The following RNF216 variants were observed in gnomAD, a reference collection of about 807,000 sequenced individuals.
RNF216 encodes the protein E3 ubiquitin-protein ligase RNF216.
RNF216 carries 72 observed loss-of-function variants against 110.8 expected under a neutral mutation model. The ratio of observed to expected loss-of-function variants is 0.65; its 90% CI spans 0.54 to 0.79. The LOEUF (loss-of-function observed/expected upper bound fraction) is 0.79. RNF216 is among the 30% of genes least tolerant of loss of function. The probability of loss-of-function intolerance (pLI) is 0.00; values close to 1 mark genes in which losing one functional copy is unlikely to be tolerated. For missense variants in RNF216, 1,342 were observed against 1,141.2 expected, an observed-to-expected ratio of 1.18 and a Z score of -2.54; for synonymous variants, 495 against 407.5, an observed-to-expected ratio of 1.21 and a Z score of -2.59.
At chr7:5,664,147 A>G (rs1388691834) in intron 13 of RNF216, among the ~76,000 whole-genome samples, 2 of 152,154 alleles carry the variant, frequency 1.3e-5, no homozygotes, top group Non-Finnish European at 2.9e-5. Flanking sequence ...CTCCATGCAG[A>G]GAGTTGTTTT....
intron 13 of RNF216, among the ~76,000 whole-genome samples, chr7:5,690,005 C>T (rs1791233784): frequency 6.6e-6 from 1 of 151,636 alleles, no homozygotes; most frequent in Non-Finnish European, 1.5e-5. Context: ...GCCGAGTTCA[C>T]CTGTATTATA....
In RNF216 at chr7:5,735,337, T is replaced by C. The variant is rs535650807; in HGVS notation, c.1121+3939A>G. ...AAATTTAGAAAATACACAAGAAAAC[T>C]AGGCACCATGGGAGCCAGCAGGAAG... On this transcript the variant is annotated intron_variant, in intron 5 of 16. Coordinates refer to ENST00000389902, the MANE Select transcript of RNF216 (RefSeq NM_207111.4). Among the ~76,000 whole-genome samples, 3 of 151,966 alleles carry C rather than the reference T, an allele frequency of 2.0e-5. No homozygotes were observed. In the East Asian group the frequency reaches 5.8e-4, roughly 29 times the overall value.
rs1793960839 is a variant in RNF216, at chr7:5,729,515, T to A, written c.1306A>T (p.Met436Leu). The change falls in exon 7 of 17, where the codon ATG (methionine) becomes TTG (leucine). Residue 436 changes from methionine to leucine, a missense_variant. By Grantham distance (15) the Met-to-Leu change is conservative (BLOSUM62 2). Transcript: ENST00000389902. Reference sequence around the variant, plus strand: ...CTACTGAGCACTTTGAAGTCGGCCATGAGGAGGTCAGCAGCTTGGATGAAG... The same window carrying A: ...CTACTGAGCACTTTGAAGTCGGCCAAGAGGAGGTCAGCAGCTTGGATGAAG... Reference protein sequence around the residue: ...RCFIQAADLLMADFKVLSSQD... With the variant: ...RCFIQAADLLLADFKVLSSQD... The A allele has an allele frequency of 6.2e-7, 1 of 1,613,972 alleles. No individual in the cohort carries two copies. Among genetic ancestry groups the A allele is most frequent in the Non-Finnish European group, 8.5e-7 (1 of 1,180,012 alleles).
rs766634468 is a variant in RNF216 at position 5,761,444 on chromosome 7, CAG to C, written c.-69-308_-69-307del. Reference sequence around the variant, plus strand: ...AATTCAATTCACAAAAAAGAAAACACAGAAGATGCTCAACCTCACTAATAATC... The same window carrying C: ...AATTCAATTCACAAAAAAGAAAACACAAGATGCTCAACCTCACTAATAATC... On this transcript the variant is annotated intron_variant, in intron 1 of 16. Transcript: ENST00000389902. Among the ~76,000 whole-genome samples the C allele has an allele frequency of 1.7e-4, 26 of 152,154 alleles. 1 individual carries two copies. Among genetic ancestry groups the C allele is most frequent in the Non-Finnish European group, 2.9e-4 (20 of 68,028 alleles).
intron 13 of RNF216, among the ~76,000 whole-genome samples, chr7:5,656,603 T>G (rs1032906837): frequency 6.6e-6 from 1 of 152,158 alleles, no homozygotes; most frequent in African/African-American, 2.4e-5. Flanking sequence ...TGTTAACAAG[T>G]AGCCCGCCAG....
At chr7:5,629,016 G>A (rs924827290) in intron 15 of RNF216, among the ~76,000 whole-genome samples, 3 of 151,914 alleles carry the variant, frequency 2.0e-5, no homozygotes, top group Non-Finnish European at 4.4e-5. Context: ...TGGCTAACAC[G>A]GTGAAACCCC....
At chr7:5,679,810 T>C (rs1562383683) in intron 13 of RNF216, among the ~76,000 whole-genome samples, 1 of 152,160 alleles carries the variant, frequency 6.6e-6, no homozygotes, top group Non-Finnish European at 1.5e-5. Context: ...TGAGCATCTT[T>C]AGACCCTCAG....
Position 5,696,457 on chromosome 7 carries a change from C to A in RNF216, c.2061+15304G>T, listed in dbSNP as rs759562703. Among the ~76,000 whole-genome samples the A allele has an allele frequency of 6.6e-6, 1 of 152,196 alleles. No homozygotes were observed. The highest frequency in any genetic ancestry group is 2.4e-5 in the African/African-American group (1 of 41,446). On this transcript the variant is annotated intron_variant, in intron 13 of 16. Transcript: ENST00000389902. The surrounding 1 kb of genome is among the most constrained non-coding windows in gnomAD (Gnocchi z 5.4). ...GCACCTGAGGACTAAAACAAATTCA[C>A]TGGCCGGTGGGAATGCAGCAAAGCA...
Position 5,729,515 on chromosome 7 carries a change from T to C in RNF216, c.1306A>G (p.Met436Val), listed in dbSNP as rs1793960839. ...RCFIQAADLL[M>V]ADFKVLSSQD... Reference sequence around the variant, plus strand: ...CTACTGAGCACTTTGAAGTCGGCCATGAGGAGGTCAGCAGCTTGGATGAAG... The same window carrying C: ...CTACTGAGCACTTTGAAGTCGGCCACGAGGAGGTCAGCAGCTTGGATGAAG... Residue 436 changes from methionine to valine, a missense_variant, in exon 7 of 17, where the codon ATG becomes GTG. Coordinates refer to ENST00000389902, the MANE Select transcript of RNF216 (RefSeq NM_207111.4). 1.2e-6 allele frequency: 2 copies of C among 1,614,090 alleles called. No individual in the cohort carries two copies. The highest frequency in any genetic ancestry group is 1.7e-6 in the Non-Finnish European group (2 of 1,180,004).
Position 5,748,072 on chromosome 7 carries a change from G to T in RNF216, c.201+4774C>A, listed in dbSNP as rs543183762. ...GTTGCTAAGCTCCATACCAATAGGC[G>T]GTATCAGGCAAATATCAGACCCCTC... is the stretch of plus-strand genomic sequence containing the variant. On this transcript the variant is annotated intron_variant, in intron 3 of 16. Coordinates refer to ENST00000389902, the MANE Select transcript of RNF216 (RefSeq NM_207111.4). Among the ~76,000 whole-genome samples the T allele has an allele frequency of 3.0e-4, 45 of 152,112 alleles. No individual in the cohort carries two copies. In the South Asian group the frequency reaches 8.5e-3, roughly 29 times the overall value.
intron 2 of RNF216, among the ~76,000 whole-genome samples, chr7:5,754,467 A>G (rs1245050831): frequency 6.6e-6 from 1 of 151,928 alleles, no homozygotes; most frequent in East Asian, 1.9e-4. Flanking sequence ...GCCTGACTTA[A>G]TTGTGGATTT....
chr7:5,772,928 G>A (rs1056227067), intron 1 of RNF216, among the ~76,000 whole-genome samples: 2 of 151,930 alleles, frequency 1.3e-5, no homozygotes, highest in African/African-American at 4.8e-5. Flanking sequence ...ACAGGCATGC[G>A]CCACCATGTC....
rs991610613 is a variant in RNF216 at position 5,779,686 on chromosome 7, G to A, written c.-70+1855C>T. Among the ~76,000 whole-genome samples the A allele has an allele frequency of 2.7e-5, 4 of 148,392 alleles. No individual in the cohort carries two copies. The South Asian group carries it at 6.4e-4, about 24-fold the overall frequency. On this transcript the variant is annotated intron_variant, in intron 1 of 16. Coordinates refer to ENST00000389902, the MANE Select transcript of RNF216 (RefSeq NM_207111.4). ...AAAAAAAAAAAAAAAAAAGTTAGCC[G>A]AGCGTGGTGGTGCGCGCCTGTAATT...
At chr7:5,752,424 T>C (rs550865253) in intron 3 of RNF216, among the ~76,000 whole-genome samples, 23 of 152,250 alleles carry the variant, frequency 1.5e-4, no homozygotes, top group African/African-American at 5.3e-4. Context: ...GGAAGATTTG[T>C]TTTGGATTAC....
At chr7:5,634,026 TCAGATATGAACAGTAATCAG>T (rs1787244147) in intron 15 of RNF216, among the ~76,000 whole-genome samples, 1 of 152,218 alleles carries the variant, frequency 6.6e-6, no homozygotes, top group African/African-American at 2.4e-5. Flanking sequence ...TTTTCACAAA[TCAGATATGAACAGTAATCAG>T]CAGCCACAGG....
At chr7:5,714,651 GTGTT>G (rs1412706451) in intron 11 of RNF216, among the ~76,000 whole-genome samples, 1 of 152,224 alleles carries the variant, frequency 6.6e-6, no homozygotes, top group Non-Finnish European at 1.5e-5. Flanking sequence ...TTCCCATACT[GTGTT>G]TGTTATGCTG....
chr7:5,728,902 G>A (rs542048928), intron 7 of RNF216, among the ~76,000 whole-genome samples: 6 of 152,158 alleles, frequency 3.9e-5, no homozygotes, highest in Non-Finnish European at 8.8e-5. Context: ...CATGGAAGAC[G>A]CCTGTGTTAC....
At chr7:5,752,098 T>G (rs902068666) in intron 3 of RNF216, among the ~76,000 whole-genome samples, 2 of 151,866 alleles carry the variant, frequency 1.3e-5, no homozygotes, top group African/African-American at 4.8e-5. Context: ...GGCAGGAGAA[T>G]TGCTTGAAAC....
rs982331401 is a variant in RNF216, at chr7:5,730,642, T to A, written c.1224+73A>T. 1.9e-6 allele frequency: 3 copies of A among 1,591,780 alleles called. No individual in the cohort carries two copies. In the African/African-American group the frequency reaches 4.3e-5, roughly 23 times the overall value. ...ACAAAGCACTTTCTTCCCACAGAGA[T>A]AACAACAACAACAACAACAACAAAG... is the stretch of plus-strand genomic sequence containing the variant. On this transcript the variant is annotated intron_variant, in intron 6 of 16. Transcript: ENST00000389902.
Sources: allele counts gnomAD v4.1 joint callset (sites outside exome capture counted in the v4.1 genomes callset), GRCh38; gene constraint gnomAD v4.1.1; non-coding constraint Gnocchi (gnomAD v3.1); transcripts MANE v1.5; gene names NCBI Gene and HGNC (gene_info 2026-07-23, HGNC 2026-07-21).